WDR91: variants seen among roughly 807,000 people sequenced by gnomAD.
The protein encoded by WDR91 is WD repeat-containing protein 91.
Under a neutral mutation model 88.4 loss-of-function variants are expected in WDR91, and 52 were observed. The ratio of observed to expected loss-of-function variants is 0.59; its 90% CI spans 0.47 to 0.74. WDR91 has a LOEUF of 0.74. WDR91 is among the 30% of genes least tolerant of loss of function. The probability of loss-of-function intolerance (pLI) is 0.00; values close to 1 mark genes in which losing one functional copy is unlikely to be tolerated. For missense variants in WDR91, 824 were observed against 954.5 expected, an observed-to-expected ratio of 0.86 and a Z score of 1.80; for synonymous variants, 362 against 389.5, an observed-to-expected ratio of 0.93 and a Z score of 0.83.
chr7:135,189,485 A>G (rs778788722), intron 11 of WDR91, 33 bp from the exon 12 acceptor site: 2 of 1,584,526 alleles, frequency 1.3e-6, no homozygotes, highest in Non-Finnish European at 1.7e-6. Flanking sequence ...TCAGTAGCAG[A>G]TCTTCACTCA....
intron 9 of WDR91, among the ~76,000 whole-genome samples, chr7:135,194,075 G>A (rs1267781825): frequency 6.6e-6 from 1 of 152,128 alleles, no homozygotes; most frequent in Admixed American, 6.5e-5. Context: ...ACAGGGCCTG[G>A]GTGACTCCCA....
rs767418295 is a variant in WDR91 at position 135,204,363 on chromosome 7, G to A, written c.796C>T (p.Leu266=). The part of the protein sequence containing the change: ...SPRVGFLSSL[L]PQSKKSPSRL... ...GAGGGGCTCTTCTTACTCTGAGGCAGCAGCGAGGACAGGAAGCCCACACGA... is the reference window on the plus strand; with the variant it reads ...GAGGGGCTCTTCTTACTCTGAGGCAACAGCGAGGACAGGAAGCCCACACGA... The change falls in exon 6 of 15, where the codon CTG becomes TTG. Residue 266 remains leucine (L), a synonymous_variant. Coordinates refer to ENST00000354475, the MANE Select transcript of WDR91 (RefSeq NM_014149.4). 1 of 1,614,218 alleles carries A rather than the reference G, an allele frequency of 6.2e-7. No individual in the cohort carries two copies. The highest frequency in any genetic ancestry group is 2.2e-5 in the East Asian group (1 of 44,894).
Position 135,210,211 on chromosome 7 carries a change from G to C in WDR91, c.124-456C>G, listed in dbSNP as rs1296098449. 2.0e-5 allele frequency among the ~76,000 whole-genome samples: 3 copies of C among 152,146 alleles called. No homozygotes were observed. The East Asian group carries it at 5.8e-4, about 29-fold the overall frequency. Reference sequence around the variant, plus strand: ...CTAAAAATACAAAAATTAGCTGGACGTGGTGGCACGCGCCTGTAATCCCAG... The same window carrying C: ...CTAAAAATACAAAAATTAGCTGGACCTGGTGGCACGCGCCTGTAATCCCAG... On this transcript the variant is annotated intron_variant, in intron 1 of 14. Transcript: ENST00000354475.
In WDR91 at chr7:135,202,063, A is replaced by T. The variant is rs535788163; in HGVS notation, c.891+2205T>A. On this transcript the variant is annotated intron_variant, in intron 6 of 14. Transcript: ENST00000354475. ...AGAGTCATTCTACACAATAAGCCTT[A>T]TTATTCTATGTAGCTCCAGAGGGCT... is the stretch of plus-strand genomic sequence containing the variant. The T allele has an allele frequency of 3.3e-5, 5 of 152,352 alleles. No individual in the cohort carries two copies. In the East Asian group the frequency reaches 7.7e-4, roughly 23 times the overall value. The allele number at this position is 152,352 out of a possible 1,614,324, so 9.4% of individuals were successfully genotyped here. A position where few individuals can be genotyped will look rare whatever the true frequency, so the allele number is the denominator to read the frequency against.
chr7:135,186,441 T>C, intron 14 of WDR91, 126 bp from the exon 15 acceptor site: 1 of 1,061,424 alleles, frequency 9.4e-7, no homozygotes. Flanking sequence ...TTCCAGAAAG[T>C]CTGTTTAACT....
At position 135,186,153 on chromosome 7, in the gene WDR91, A is replaced by C; in HGVS notation, c.2242T>G (p.Ter748GlyextTer1). The change falls in exon 15 of 15, where the codon TGA becomes GGA. Residue 748 changes from the stop codon to glycine, a stop_lost. Transcript: ENST00000354475. ...KLTTLLAHKA[*>G] ...CGGGTGGCCCTTGGGGCAAGTCATC[A>C]GGCTTTATGGGCCAGGAGGGTGGTC... 6.3e-7 allele frequency: 1 copy of C among 1,589,554 alleles called. No homozygotes were observed. The highest frequency in any genetic ancestry group is 8.5e-7 in the Non-Finnish European group (1 of 1,171,018).
At chr7:135,195,444 C>T (rs374708117) in intron 8 of WDR91, among the ~76,000 whole-genome samples, 1 of 152,224 alleles carries the variant, frequency 6.6e-6, no homozygotes, top group Non-Finnish European at 1.5e-5. Flanking sequence ...GCTGTCAAAA[C>T]GAGAAACCCA....
chr7:135,194,363 G>A (rs1585413811), intron 9 of WDR91, among the ~76,000 whole-genome samples: 1 of 152,176 alleles, frequency 6.6e-6, no homozygotes, highest in East Asian at 1.9e-4. Flanking sequence ...CCCTTCAGCT[G>A]CCAAAAATTA....
chr7:135,188,603 G>A (rs292564), intron 12 of WDR91, 58 bp from the exon 13 acceptor site: 1,071,046 of 1,460,400 alleles, frequency 0.73, 395,377 homozygotes, highest in Admixed American at 0.85. Flanking sequence ...GAAGGAATCT[G>A]CCTGCAGCAG....
rs292552 is a variant in WDR91, at chr7:135,185,695, A to G, written c.*456T>C. ...AGGAGAGCCTGGAGAGGTTCAGTTC[A>G]GGGCCAGCAGAGCCAGGCTGGGTGG... is the stretch of plus-strand genomic sequence containing the variant. On this transcript the variant is annotated 3_prime_UTR_variant, in exon 15 of 15. Transcript: ENST00000354475. 142,752 of 153,204 alleles carry G rather than the reference A, an allele frequency of 0.93. 67,299 individuals are homozygous for G. The highest frequency in any genetic ancestry group is 1 in the East Asian group (5,199 of 5,202). The allele number at this position is 153,204 out of a possible 1,614,324, so 9.5% of individuals were successfully genotyped here.
chr7:135,205,894 C>G (rs752001190), intron 5 of WDR91, 34 bp downstream of exon 5: 2 of 1,611,786 alleles, frequency 1.2e-6, no homozygotes, highest in Admixed American at 3.3e-5. Context: ...GCACAGAGGG[C>G]AAAGAAAAGG....
chr7:135,191,575 A>G (rs1048667072), intron 11 of WDR91, among the ~76,000 whole-genome samples: 2 of 128,846 alleles, frequency 1.6e-5, no homozygotes, highest in African/African-American at 5.9e-5. Context: ...GCTGCACTCC[A>G]GCCTGGGTGA....
chr7:135,197,616 G>T (rs771393632), intron 7 of WDR91: 26 of 170,024 alleles, frequency 1.5e-4, no homozygotes, highest in Non-Finnish European at 2.9e-4. Context: ...AGCAAGTCTG[G>T]GTGACTGGGT....
At chr7:135,204,699 C>T (rs1246326808) in intron 5 of WDR91, among the ~76,000 whole-genome samples, 1 of 152,282 alleles carries the variant, frequency 6.6e-6, no homozygotes, top group East Asian at 1.9e-4. Context: ...CCACTGGTCA[C>T]GTGTGCTACT....
Position 135,208,873 on chromosome 7 carries a change from A to C in WDR91, c.429T>G (p.Phe143Leu). Residue 143 changes from phenylalanine to leucine, a missense_variant, in exon 3 of 15, where the codon TTT becomes TTG. Coordinates refer to ENST00000354475, the MANE Select transcript of WDR91 (RefSeq NM_014149.4). The stretch of plus-strand genomic sequence containing the variant: ...CCCACTGTCGAGAAAAGTAGGTAGC[A>C]AAGGTGGGGTTGGTGTCCGGGGATG... ...FLPSPDTNPT[F>L]ATYFSRQWAD... The C allele has an allele frequency of 6.2e-7, 1 of 1,614,226 alleles. No homozygotes were observed. Among genetic ancestry groups the C allele is most frequent in the Non-Finnish European group, 8.5e-7 (1 of 1,180,036 alleles).
At chr7:135,189,027 G>A (rs1343488065) in intron 12 of WDR91, among the ~76,000 whole-genome samples, 2 of 152,194 alleles carry the variant, frequency 1.3e-5, no homozygotes, top group African/African-American at 4.8e-5. Flanking sequence ...ACTACCCACA[G>A]CAAGTAGGTA....
intron 6 of WDR91, among the ~76,000 whole-genome samples, chr7:135,203,008 C>G (rs934460339): frequency 5.3e-5 from 8 of 152,204 alleles, no homozygotes; most frequent in African/African-American, 1.9e-4. Context: ...TGAGTGCTGA[C>G]CCTCTGTCAA....
In WDR91 at chr7:135,185,369, T is replaced by C. The variant is rs894088846; in HGVS notation, c.*782A>G. 1 of 152,220 alleles carries C rather than the reference T, an allele frequency of 6.6e-6. No homozygotes were observed. The highest frequency in any genetic ancestry group is 2.4e-5 in the African/African-American group (1 of 41,450). 9.4% of individuals were successfully genotyped at this position (152,220 alleles called of 1,614,324 possible). On this transcript the variant is annotated 3_prime_UTR_variant, in exon 15 of 15. Coordinates refer to ENST00000354475, the MANE Select transcript of WDR91 (RefSeq NM_014149.4). ...ACCAAGATACCTCATTATGTATATA[T>C]GCAAATATTCCAAAGTCTGAAAAAA... is the stretch of plus-strand genomic sequence containing the variant.
rs773349395 is a variant in WDR91, at chr7:135,188,440, T to C, written c.1874A>G (p.Asp625Gly). The C allele has an allele frequency of 1.2e-6, 2 of 1,613,938 alleles. No homozygotes were observed. The highest frequency in any genetic ancestry group is 3.3e-5 in the Admixed American group (2 of 60,012). The change falls in exon 13 of 15, where the codon GAC becomes GGC. Residue 625 changes from aspartate to glycine, a missense_variant. Coordinates refer to ENST00000354475, the MANE Select transcript of WDR91 (RefSeq NM_014149.4). ...AATCCTGCAGCCGCCTACCTTCCCGTCCTCGCCGATGCTGTACACGGTGTT... is the reference window on the plus strand; with the variant it reads ...AATCCTGCAGCCGCCTACCTTCCCGCCCTCGCCGATGCTGTACACGGTGTT... ...DENTVYSIGE[D>G]GKFIQWNIHK... is the part of the protein sequence containing the mutation.
Sources: gnomAD v4.1 joint callset for allele counts (sites outside exome capture counted in the v4.1 genomes callset) on GRCh38, gnomAD v4.1.1 for gene constraint, MANE v1.5 for transcripts, NCBI Gene and HGNC (gene_info 2026-07-23, HGNC 2026-07-21) for gene names.